The following RBM19 variants were observed in gnomAD, a reference collection of about 807,000 sequenced individuals.
RBM19 encodes the protein RNA binding motif protein 19.
In RBM19, 94 loss-of-function variants were observed where a neutral mutation model predicts 116.8. The observed-to-expected ratio is 0.80, with a 90% CI of 0.68 to 0.95. The LOEUF (loss-of-function observed/expected upper bound fraction) is 0.95. Ranked by LOEUF, RBM19 falls within the 40% of genes least tolerant of loss-of-function variation. The probability of loss-of-function intolerance (pLI) is 0.00; values close to 1 mark genes in which losing one functional copy is unlikely to be tolerated. For missense variants in RBM19, 1,161 were observed against 1,220.7 expected, an observed-to-expected ratio of 0.95 and a Z score of 0.73; for synonymous variants, 475 against 494.1, an observed-to-expected ratio of 0.96 and a Z score of 0.51.
intron 16 of RBM19, among the ~76,000 whole-genome samples, chr12:113,932,098 A>G (rs1450077040): frequency 6.6e-6 from 1 of 152,040 alleles, no homozygotes; most frequent in South Asian, 2.1e-4. Flanking sequence ...TGTGATCGAG[A>G]AGAGCTGTGA....
intron 1 of RBM19, among the ~76,000 whole-genome samples, chr12:113,963,056 AG>A (rs771600557): frequency 5.9e-5 from 9 of 152,212 alleles, no homozygotes; most frequent in Non-Finnish European, 1.2e-4. Flanking sequence ...CTATGAACCA[AG>A]GAAGGCAGGT....
intron 7 of RBM19, 151 bp downstream of exon 7, chr12:113,954,980 A>G (rs1871788622): frequency 1.4e-6 from 1 of 701,948 alleles, no homozygotes; most frequent in Non-Finnish European, 2.5e-6. Flanking sequence ...GATGCCGGAG[A>G]TGTTATTTCT....
chr12:113,943,200 G>A (rs999681905), intron 13 of RBM19, among the ~76,000 whole-genome samples: 1 of 152,240 alleles, frequency 6.6e-6, no homozygotes, highest in Non-Finnish European at 1.5e-5. Flanking sequence ...CAGGCCTGCC[G>A]CACTGCACCT....
intron 23 of RBM19, among the ~76,000 whole-genome samples, chr12:113,826,244 C>G (rs1490997833): frequency 6.6e-6 from 1 of 152,232 alleles, no homozygotes; most frequent in Non-Finnish European, 1.5e-5. Flanking sequence ...GCATGTCTCC[C>G]GGTCTCACTG....
intron 22 of RBM19, among the ~76,000 whole-genome samples, chr12:113,847,474 G>A (rs550600200): frequency 1.3e-5 from 2 of 152,002 alleles, no homozygotes; most frequent in Non-Finnish European, 1.5e-5. Context: ...AAACACACGC[G>A]TTCTCAGCTG....
intron 19 of RBM19, among the ~76,000 whole-genome samples, chr12:113,919,585 A>G (rs945441543): frequency 6.6e-6 from 1 of 151,964 alleles, no homozygotes; most frequent in Admixed American, 6.6e-5. Context: ...AAAAAGAAGA[A>G]CTTATAGCTG....
chr12:113,880,261 C>T lies in RBM19; in HGVS notation c.2559-21365G>A, dbSNP rs185221361. On this transcript the variant is annotated intron_variant, in intron 21 of 23. Transcript: ENST00000261741. ...ATTCAAATTAAATGGGGAATCCTGTCGTTTTATTTGCTCTGATACCCCCTG... is the reference window on the plus strand; with the variant it reads ...ATTCAAATTAAATGGGGAATCCTGTTGTTTTATTTGCTCTGATACCCCCTG... Among the ~76,000 whole-genome samples, 5 of 152,220 alleles carry T rather than the reference C, an allele frequency of 3.3e-5. No homozygotes were observed. The East Asian group carries it at 5.8e-4, about 18-fold the overall frequency.
intron 16 of RBM19, among the ~76,000 whole-genome samples, chr12:113,929,757 T>C (rs931620402): frequency 6.6e-6 from 1 of 152,196 alleles, no homozygotes; most frequent in Non-Finnish European, 1.5e-5. Context: ...TGTGGTTGAA[T>C]ACCCTGAGTA....
intron 23 of RBM19, among the ~76,000 whole-genome samples, chr12:113,837,445 C>T (rs1431751799): frequency 6.6e-6 from 1 of 152,186 alleles, no homozygotes; most frequent in Admixed American, 6.5e-5. Context: ...ACCATGAGGC[C>T]CCTCAACAAT....
At chr12:113,952,436 T>C in intron 8 of RBM19, 76 bp downstream of exon 8, 3 of 1,368,340 alleles carry the variant, frequency 2.2e-6, no homozygotes, top group South Asian at 2.4e-5. Context: ...TTAAAACTTC[T>C]TCCTTATTCA....
At chr12:113,857,488 C>T (rs1877998229) in intron 22 of RBM19, among the ~76,000 whole-genome samples, 1 of 152,246 alleles carries the variant, frequency 6.6e-6, no homozygotes, top group African/African-American at 2.4e-5. Context: ...CCCTCCGCTG[C>T]TGCCCTGAGC....
chr12:113,908,727 G>A (rs1367222939), intron 21 of RBM19, among the ~76,000 whole-genome samples: 1 of 152,196 alleles, frequency 6.6e-6, no homozygotes, highest in African/African-American at 2.4e-5. Context: ...TCTGGAGGGA[G>A]AGCTGGTTGT....
At chr12:113,848,112 CAA>C (rs776916789) in intron 22 of RBM19, among the ~76,000 whole-genome samples, 7 of 152,194 alleles carry the variant, frequency 4.6e-5, no homozygotes, top group African/African-American at 7.2e-5. Flanking sequence ...AGGGCAGCAG[CAA>C]AGAGTAGTGA....
chr12:113,841,422 C>CTTTTTTTTTT (rs71089416), intron 23 of RBM19, among the ~76,000 whole-genome samples: 4 of 130,020 alleles, frequency 3.1e-5, no homozygotes, highest in Non-Finnish European at 4.9e-5. Context: ...TTTTTCTTTT[C>CTTTTTTTTTT]TTTTTTTTTT....
intron 21 of RBM19, among the ~76,000 whole-genome samples, chr12:113,873,978 A>G (rs975218257): frequency 1.3e-5 from 2 of 149,730 alleles, no homozygotes; most frequent in South Asian, 2.1e-4. Context: ...AGATGAACCT[A>G]GAAACCCAGT....
At chr12:113,914,795 A>G (rs1003815058) in intron 21 of RBM19, among the ~76,000 whole-genome samples, 174 bp downstream of exon 21, 1 of 152,148 alleles carries the variant, frequency 6.6e-6, no homozygotes, top group Non-Finnish European at 1.5e-5. Flanking sequence ...TGCTCTGGGG[A>G]GCCACATCTG....
chr12:113,927,311 A>T, intron 16 of RBM19, 82 bp from the exon 17 acceptor site: 1 of 1,471,382 alleles, frequency 6.8e-7, no homozygotes, highest in Non-Finnish European at 9.0e-7. Context: ...CCCTGGGGCC[A>T]ACTGCAAAAA....
chr12:113,880,705 C>A (rs908808079), intron 21 of RBM19, among the ~76,000 whole-genome samples: 1 of 152,122 alleles, frequency 6.6e-6, no homozygotes, highest in Non-Finnish European at 1.5e-5. Flanking sequence ...CTCCCAGGCT[C>A]CCTCAACCCC....
Position 113,942,346 on chromosome 12 carries a change from AC to A in RBM19, c.1714del (p.Val572SerfsTer17). Reference sequence around the variant, plus strand: ...CACCTGGCTGAAGGAATCCAGGCTGACCCCGTTGTCTATGAGAAAACGCCGC... The same window carrying A: ...CACCTGGCTGAAGGAATCCAGGCTGACCCGTTGTCTATGAGAAAACGCCGC... ...EVRRFLIDNG[V>X]SLDSFSQAAA... On this transcript the variant is annotated frameshift_variant, in exon 14 of 24. Transcript: ENST00000261741. LOFTEE classifies it high-confidence loss of function. The A allele has an allele frequency of 1.2e-6, 2 of 1,606,932 alleles. No homozygotes were observed. The highest frequency in any genetic ancestry group is 1.7e-6 in the Non-Finnish European group (2 of 1,179,812).
Sources: gnomAD v4.1 joint callset for allele counts (sites outside exome capture counted in the v4.1 genomes callset) on GRCh38, gnomAD v4.1.1 for gene constraint, MANE v1.5 for transcripts, NCBI Gene and HGNC (gene_info 2026-07-23, HGNC 2026-07-21) for gene names.